Variants in LRRC49 observed in about 807,000 individuals in gnomAD.
The protein encoded by LRRC49 is leucine-rich repeat-containing protein 49.
Under a neutral mutation model 83.3 loss-of-function variants are expected in LRRC49, and 50 were observed. That is an observed-to-expected ratio of 0.60 (90% CI 0.48 to 0.76). LRRC49 has a LOEUF of 0.76. Among genes scored for constraint, LRRC49 ranks in the 30% least tolerant of loss-of-function variants. LRRC49 has a pLI of 0.00. For synonymous variants in LRRC49, 286 were observed against 283.3 expected (o/e 1.01, Z -0.10); for missense variants, 704 against 809.1 (o/e 0.87, Z 1.58).
chr15:71,018,438 A>G (rs1013890791), intron 14 of LRRC49, among the ~76,000 whole-genome samples: 1 of 152,248 alleles, frequency 6.6e-6, no homozygotes, highest in Non-Finnish European at 1.5e-5. Flanking sequence ...TAAAAACAAT[A>G]CAAAATGCTA....
In LRRC49 at chr15:70,883,486, G is replaced by T. The variant is rs191179435; in HGVS notation, c.19-10098G>T. On this transcript the variant is annotated intron_variant, in intron 2 of 16. Coordinates refer to the LRRC49 transcript ENST00000544974. ...TGGGTTTACAGGCGTGAGGCACCTC[G>T]CCCAACCAAGATGATACTATCAGTA... Among the ~76,000 whole-genome samples the T allele has an allele frequency of 2.0e-5, 3 of 152,010 alleles. No individual in the cohort carries two copies. The East Asian group carries it at 5.8e-4, about 30-fold the overall frequency.
chr15:70,892,053 G>GC, upstream of LRRC49: 1 of 1,613,684 alleles, frequency 6.2e-7, no homozygotes, highest in Non-Finnish European at 8.5e-7. Flanking sequence ...TGGGAGAAGC[G>GC]CAGGTTCTTC....
intron 11 of LRRC49, among the ~76,000 whole-genome samples, chr15:70,986,147 G>C (rs1297528129): frequency 1.3e-5 from 2 of 150,264 alleles, no homozygotes; most frequent in Non-Finnish European, 3.0e-5. Context: ...GAACTTTAAA[G>C]TAGTTTTTTC....
At chr15:70,994,283 A>G (rs1420452265) in intron 11 of LRRC49, among the ~76,000 whole-genome samples, 2 of 152,082 alleles carry the variant, frequency 1.3e-5, no homozygotes, top group Non-Finnish European at 2.9e-5. Context: ...TCATGTTAAG[A>G]TTTTGTAAAT....
intron 14 of LRRC49, among the ~76,000 whole-genome samples, chr15:71,015,315 T>G (rs1279967643): frequency 1.3e-5 from 2 of 152,172 alleles, no homozygotes; most frequent in Non-Finnish European, 2.9e-5. Flanking sequence ...AGGGACTGGT[T>G]TCGTGACAGA....
intron 5 of LRRC49, among the ~76,000 whole-genome samples, chr15:70,905,861 A>G (rs1328892987): frequency 6.6e-6 from 1 of 152,174 alleles, no homozygotes; most frequent in East Asian, 1.9e-4. Flanking sequence ...TTCCAGAGGA[A>G]TCCTGCCCTA....
In LRRC49 at chr15:70,920,129, T is replaced by G. The variant is rs563457342; in HGVS notation, c.711+936T>G. ...GCTTTAAGTTCTCTCTGGTATCATT[T>G]ATGCACTTTGAAAGACACAATATAA... On this transcript the variant is annotated intron_variant, in intron 7 of 15. Coordinates refer to ENST00000260382, the MANE Select transcript of LRRC49 (RefSeq NM_017691.5). Among the ~76,000 whole-genome samples the G allele has an allele frequency of 3.9e-5, 6 of 152,356 alleles. No homozygotes were observed. In the South Asian group the frequency reaches 1.2e-3, roughly 32 times the overall value.
intron 14 of LRRC49, among the ~76,000 whole-genome samples, chr15:71,020,409 T>G: frequency 6.6e-6 from 1 of 152,294 alleles, no homozygotes; most frequent in East Asian, 1.9e-4. Context: ...GAGTCAGTAT[T>G]AAAACAGATA....
upstream of LRRC49, among the ~76,000 whole-genome samples, chr15:70,888,621 GACT>G (rs529941924): frequency 3.7e-4 from 56 of 152,176 alleles, no homozygotes; most frequent in Non-Finnish European, 7.5e-4. Context: ...TGGTAATTTG[GACT>G]ACATCAGAAT....
chr15:70,939,847 GTT>G (rs1327080543), intron 8 of LRRC49, among the ~76,000 whole-genome samples: 4 of 115,246 alleles, frequency 3.5e-5, no homozygotes, highest in Non-Finnish European at 5.5e-5. Context: ...TTTAAACTAG[GTT>G]TTTTTTTTTT....
chr15:71,025,192 A>G (rs1163581109), intron 14 of LRRC49, among the ~76,000 whole-genome samples: 1 of 152,220 alleles, frequency 6.6e-6, no homozygotes, highest in African/African-American at 2.4e-5. Context: ...CAGGAAATCC[A>G]GAGAACCCCA....
At chr15:70,961,676 A>G (rs150050137) in intron 8 of LRRC49, among the ~76,000 whole-genome samples, 128 of 152,358 alleles carry the variant, frequency 8.4e-4, no homozygotes, top group African/African-American at 3.0e-3. Flanking sequence ...GATTCCAATT[A>G]TATGACATTC....
intron 11 of LRRC49, among the ~76,000 whole-genome samples, chr15:70,995,482 C>T (rs1052817503): frequency 5.3e-5 from 8 of 152,170 alleles, no homozygotes; most frequent in East Asian, 1.9e-4. Flanking sequence ...AAGAGAGATC[C>T]GTTGAAGCCA....
upstream of LRRC49, among the ~76,000 whole-genome samples, chr15:70,889,265 A>G (rs1166608085): frequency 6.6e-6 from 1 of 152,218 alleles, no homozygotes; most frequent in Admixed American, 6.5e-5. Context: ...CTACTGTTCT[A>G]TGCAACAATA....
chr15:70,998,345 C>T (rs1282814648), intron 11 of LRRC49, among the ~76,000 whole-genome samples: 1 of 152,124 alleles, frequency 6.6e-6, no homozygotes, highest in Non-Finnish European at 1.5e-5. Context: ...TTTCCTTTAG[C>T]ATTTCCTGTA....
intron 14 of LRRC49, among the ~76,000 whole-genome samples, chr15:71,023,380 A>T (rs574143222): frequency 2.8e-4 from 42 of 152,342 alleles, no homozygotes; most frequent in African/African-American, 7.9e-4. Context: ...CTGTAATTTT[A>T]AAAAAATCAG....
At chr15:70,934,900 A>C (rs538595993) in intron 7 of LRRC49, among the ~76,000 whole-genome samples, 140 of 152,310 alleles carry the variant, frequency 9.2e-4, no homozygotes, top group Non-Finnish European at 1.8e-3. Context: ...CCCCAGGAAT[A>C]CAGAGAGGGT....
At chr15:70,912,610 C>T (rs1019440292) in intron 6 of LRRC49, among the ~76,000 whole-genome samples, 3 of 151,866 alleles carry the variant, frequency 2.0e-5, no homozygotes, top group African/African-American at 7.2e-5. Context: ...ATAATCTGGG[C>T]TCCCAATTAT....
At chr15:71,037,923 G>A (rs2039575409) in intron 15 of LRRC49, among the ~76,000 whole-genome samples, 1 of 152,070 alleles carries the variant, frequency 6.6e-6, no homozygotes. Context: ...ACAATGTTGT[G>A]GTGCTGCAGG....
Sources: gnomAD v4.1 joint callset for allele counts (sites outside exome capture counted in the v4.1 genomes callset) on GRCh38, gnomAD v4.1.1 for gene constraint, MANE v1.5 for transcripts, NCBI Gene and HGNC (gene_info 2026-07-23, HGNC 2026-07-21) for gene names.